The following HEMK2 variants were observed in gnomAD, a reference collection of about 807,000 sequenced individuals.
HEMK2 encodes methyltransferase HEMK2.
chr21:28,831,462 CGAAAGAAAGAAAGAAAGAAAGAAA>C, the HEMK2 span, among the ~76,000 whole-genome samples: 3 of 23,610 alleles, frequency 1.3e-4, no homozygotes, highest in African/African-American at 3.0e-4. Flanking sequence ...AAGAAAAGAA[CGAAAGAAAGAAAGAAAGAAAGAAA>C]GAAAGAAAGA....
At chr21:28,757,152 C>T in the HEMK2 span, among the ~76,000 whole-genome samples, 1 of 152,132 alleles carries the variant, frequency 6.6e-6, no homozygotes, top group Non-Finnish European at 1.5e-5. Flanking sequence ...TATGCCAGCA[C>T]ACTCTAAGTC....
the HEMK2 span, among the ~76,000 whole-genome samples, chr21:28,806,331 A>G: frequency 1.3e-5 from 2 of 152,180 alleles, no homozygotes; most frequent in Non-Finnish European, 2.9e-5. Flanking sequence ...GTAAAATGTC[A>G]TATGCCATAT....
At chr21:28,882,982 T>C in the HEMK2 span, 1 of 1,573,266 alleles carries the variant, frequency 6.4e-7, no homozygotes, top group Non-Finnish European at 8.7e-7. Context: ...ATGATATACT[T>C]ACATGTACAA....
the HEMK2 span, among the ~76,000 whole-genome samples, chr21:28,617,838 G>C: frequency 6.6e-6 from 1 of 151,600 alleles, no homozygotes; most frequent in African/African-American, 2.4e-5. Context: ...ACCCAGGCTG[G>C]AGTGCAGTGG....
At chr21:28,683,009 C>T in the HEMK2 span, among the ~76,000 whole-genome samples, 6 of 151,604 alleles carry the variant, frequency 4.0e-5, no homozygotes, top group Admixed American at 1.3e-4. Context: ...AACAAACCTG[C>T]ACGTTGTGCA....
chr21:28,598,893 A>G, the HEMK2 span, among the ~76,000 whole-genome samples: 1 of 152,230 alleles, frequency 6.6e-6, no homozygotes. Flanking sequence ...TGAAGTCAAG[A>G]TGGAACAGCT....
At chr21:28,754,919 A>G in the HEMK2 span, among the ~76,000 whole-genome samples, 19 of 152,230 alleles carry the variant, frequency 1.2e-4, no homozygotes, top group Admixed American at 1.2e-3. Context: ...AGAGGCAAGA[A>G]GCAAGAGCTA....
At chr21:28,577,779 A>T in the HEMK2 span, among the ~76,000 whole-genome samples, 3 of 152,140 alleles carry the variant, frequency 2.0e-5, no homozygotes, top group Non-Finnish European at 4.4e-5. Context: ...TTATTTGATA[A>T]ATCTGACACC....
At chr21:28,706,411 C>A in the HEMK2 span, among the ~76,000 whole-genome samples, 1 of 152,090 alleles carries the variant, frequency 6.6e-6, no homozygotes, top group African/African-American at 2.4e-5. Context: ...AAATGTCATT[C>A]ATGTCTTATT....
chr21:28,622,981 A>G, the HEMK2 span, among the ~76,000 whole-genome samples: 1 of 152,210 alleles, frequency 6.6e-6, no homozygotes, highest in Non-Finnish European at 1.5e-5. Context: ...AAAATTGACA[A>G]ATGGGATCGA....
At chr21:28,705,064 G>A in the HEMK2 span, among the ~76,000 whole-genome samples, 1 of 152,102 alleles carries the variant, frequency 6.6e-6, no homozygotes, top group Non-Finnish European at 1.5e-5. Flanking sequence ...ACAAAATTAC[G>A]TGAGGGTGAA....
At chr21:28,593,989 A>G in the HEMK2 span, among the ~76,000 whole-genome samples, 413 of 152,320 alleles carry the variant, frequency 2.7e-3, 2 homozygotes, top group African/African-American at 9.1e-3. Context: ...CAGCTACCTG[A>G]TCAAGGTTAA....
At chr21:28,701,551 CACACACAT>C in the HEMK2 span, among the ~76,000 whole-genome samples, 13,423 of 84,610 alleles carry the variant, frequency 0.16, 742 homozygotes, top group African/African-American at 0.37. Context: ...AATAGCCACA[CACACACAT>C]ACACACACAC....
chr21:28,658,853 C>T, the HEMK2 span, among the ~76,000 whole-genome samples: 628 of 152,208 alleles, frequency 4.1e-3, 15 homozygotes, highest in East Asian at 0.065. Flanking sequence ...ATTGCTATTA[C>T]ATTTCATCTT....
the HEMK2 span, among the ~76,000 whole-genome samples, chr21:28,823,752 T>A: frequency 6.6e-6 from 1 of 152,156 alleles, no homozygotes; most frequent in Non-Finnish European, 1.5e-5. Flanking sequence ...AGAGCTAAAA[T>A]CATTGTCTCT....
chr21:28,731,425 C>G, the HEMK2 span, among the ~76,000 whole-genome samples: 2 of 152,132 alleles, frequency 1.3e-5, no homozygotes, highest in African/African-American at 4.8e-5. Flanking sequence ...GACATTTATA[C>G]TTGCCCATGA....
chr21:28,585,193 A>G, the HEMK2 span, among the ~76,000 whole-genome samples: 1 of 152,060 alleles, frequency 6.6e-6, no homozygotes, highest in Non-Finnish European at 1.5e-5. Flanking sequence ...TTAGCTGAGC[A>G]TGGTGGTGCA....
At chr21:28,668,442 G>A in the HEMK2 span, among the ~76,000 whole-genome samples, 1 of 152,190 alleles carries the variant, frequency 6.6e-6, no homozygotes, top group Non-Finnish European at 1.5e-5. Context: ...AAAGGCTGAT[G>A]CAGCTGTAGC....
At chr21:28,648,182 C>T in the HEMK2 span, among the ~76,000 whole-genome samples, 1 of 152,164 alleles carries the variant, frequency 6.6e-6, no homozygotes, top group Non-Finnish European at 1.5e-5. Context: ...AATAATTATT[C>T]CATGTTTGGA....
Sources: gnomAD v4.1 joint callset for allele counts (sites outside exome capture counted in the v4.1 genomes callset) on GRCh38, gnomAD v4.1.1 for gene constraint, MANE v1.5 for transcripts, NCBI Gene and HGNC (gene_info 2026-07-23, HGNC 2026-07-21) for gene names.